REEP3: variants seen among roughly 807,000 people sequenced by gnomAD.
REEP3 encodes the protein receptor accessory protein 3, also known as receptor expression-enhancing protein 3.
A neutral mutation model predicts 41.3 loss-of-function variants in REEP3; 20 were observed. The ratio of observed to expected loss-of-function variants is 0.48; its 90% CI spans 0.34 to 0.70. The LOEUF is 0.70. REEP3 is among the 30% of genes least tolerant of loss of function. The probability of loss-of-function intolerance (pLI) is 0.01; values close to 1 mark genes in which losing one functional copy is unlikely to be tolerated. For synonymous variants in REEP3, 104 were observed against 101.8 expected (o/e 1.02, Z -0.13); for missense variants, 271 against 308.8 (o/e 0.88, Z 0.92).
intron 2 of REEP3, among the ~76,000 whole-genome samples, chr10:63,586,542 A>G (rs371397742): frequency 1.3e-5 from 2 of 152,312 alleles, no homozygotes; most frequent in African/African-American, 4.8e-5. Flanking sequence ...CACAAAAAAT[A>G]TAGTAGGTAA....
chr10:63,548,253 T>C (rs920175268), intron 1 of REEP3, among the ~76,000 whole-genome samples: 2 of 152,248 alleles, frequency 1.3e-5, no homozygotes, highest in South Asian at 2.1e-4. Context: ...TATGTAATGC[T>C]GTACCACATT....
intron 1 of REEP3, among the ~76,000 whole-genome samples, chr10:63,536,782 A>G (rs1048568603): frequency 1.3e-5 from 2 of 152,244 alleles, no homozygotes; most frequent in Non-Finnish European, 2.9e-5. Flanking sequence ...TTTCAAGAAA[A>G]TGTAAATTAC....
intron 5 of REEP3, among the ~76,000 whole-genome samples, chr10:63,606,563 T>C (rs1355838952): frequency 6.6e-6 from 1 of 152,138 alleles, no homozygotes; most frequent in African/African-American, 2.4e-5. Flanking sequence ...TTTCTCATTT[T>C]TCTTATACTT....
intron 1 of REEP3, among the ~76,000 whole-genome samples, chr10:63,523,628 T>G (rs1187130407): frequency 1.3e-5 from 2 of 151,988 alleles, no homozygotes; most frequent in African/African-American, 4.8e-5. Context: ...AGAGTGAGAC[T>G]GTGCCTCAGA....
chr10:63,569,896 C>T (rs1955837701), intron 2 of REEP3, among the ~76,000 whole-genome samples: 2 of 151,894 alleles, frequency 1.3e-5, no homozygotes, highest in South Asian at 4.1e-4. Context: ...AGACATGATC[C>T]CGCCACTGCA....
chr10:63,609,625 G>C (rs973406295), intron 5 of REEP3, among the ~76,000 whole-genome samples: 2 of 152,036 alleles, frequency 1.3e-5, no homozygotes, highest in Non-Finnish European at 2.9e-5. Context: ...GCTGGATATG[G>C]TGGCACATGC....
chr10:63,622,952 GC>G lies in REEP3; in HGVS notation c.*2085del, dbSNP rs1762252850. ...CATCTCTTGACCTCGTGATCCGCCC[GC>G]CTCGGCCTCCCAAACTTCTGGGATT... On this transcript the variant is annotated 3_prime_UTR_variant, in exon 8 of 8. Coordinates refer to ENST00000373758, the MANE Select transcript of REEP3 (RefSeq NM_001001330.3). The G allele has an allele frequency of 6.6e-6, 1 of 152,132 alleles. No individual in the cohort carries two copies. Among genetic ancestry groups the G allele is most frequent in the Non-Finnish European group, 1.5e-5 (1 of 68,076 alleles). 9.4% of individuals were successfully genotyped at this position (152,132 alleles called of 1,614,324 possible).
chr10:63,619,918 A>ATTTTT, intron 7 of REEP3, 118 bp downstream of exon 7: 13 of 249,992 alleles, frequency 5.2e-5, no homozygotes, highest in Admixed American at 1.2e-4. Flanking sequence ...CAGCAGTTTG[A>ATTTTT]TTTTTTTTTT....
At chr10:63,588,975 G>C (rs1329622041) in intron 2 of REEP3, among the ~76,000 whole-genome samples, 1 of 152,186 alleles carries the variant, frequency 6.6e-6, no homozygotes, top group Non-Finnish European at 1.5e-5. Context: ...AAAAGAGCAG[G>C]TGTGGCTGAA....
At chr10:63,604,392 G>T (rs1489513740) in intron 5 of REEP3, among the ~76,000 whole-genome samples, 2 of 152,314 alleles carry the variant, frequency 1.3e-5, no homozygotes, top group Middle Eastern at 3.4e-3. Flanking sequence ...ACTACTGCCA[G>T]ATGAAGGACA....
At chr10:63,594,221 AAAAAAACC>A (rs1204815371) in intron 2 of REEP3, among the ~76,000 whole-genome samples, 1 of 89,644 alleles carries the variant, frequency 1.1e-5, no homozygotes, top group Non-Finnish European at 2.3e-5. Flanking sequence ...CTACAAAAAA[AAAAAAACC>A]AAAAAAAATT....
At chr10:63,576,397 TGAG>T (rs1480176344) in intron 2 of REEP3, among the ~76,000 whole-genome samples, 2 of 152,206 alleles carry the variant, frequency 1.3e-5, no homozygotes, top group Non-Finnish European at 2.9e-5. Flanking sequence ...AGAAACCTGT[TGAG>T]GAGAATCATT....
At chr10:63,531,173 A>G (rs1353814609) in intron 1 of REEP3, among the ~76,000 whole-genome samples, 3 of 152,264 alleles carry the variant, frequency 2.0e-5, no homozygotes, top group African/African-American at 7.2e-5. Flanking sequence ...ATTATCCAAC[A>G]GTGGTTAGAG....
At chr10:63,579,173 G>A (rs1447904885) in intron 2 of REEP3, among the ~76,000 whole-genome samples, 8 of 151,590 alleles carry the variant, frequency 5.3e-5, no homozygotes, top group Non-Finnish European at 8.8e-5. Flanking sequence ...CTAGGTTTAC[G>A]GTCACCCACC....
chr10:63,566,440 G>A, intron 2 of REEP3, 30 bp downstream of exon 2: 1 of 1,213,562 alleles, frequency 8.2e-7, no homozygotes, highest in Non-Finnish European at 1.2e-6. Flanking sequence ...TGATTAATCT[G>A]AGTTTAATAT....
chr10:63,550,057 G>A (rs1955614257), intron 1 of REEP3, among the ~76,000 whole-genome samples: 1 of 152,230 alleles, frequency 6.6e-6, no homozygotes, highest in Non-Finnish European at 1.5e-5. Context: ...TCTGACAGTG[G>A]ACACAGAGGA....
intron 5 of REEP3, among the ~76,000 whole-genome samples, chr10:63,604,899 C>T (rs1233947420): frequency 6.6e-6 from 1 of 152,038 alleles, no homozygotes; most frequent in African/African-American, 2.4e-5. Context: ...TTCTAAAACC[C>T]CTTATATCTC....
At chr10:63,555,303 T>A (rs2133364918) in intron 1 of REEP3, among the ~76,000 whole-genome samples, 1 of 152,388 alleles carries the variant, frequency 6.6e-6, no homozygotes, top group African/African-American at 2.4e-5. Context: ...GGAATTTTCA[T>A]ATTTTTCTTT....
At chr10:63,572,200 C>T (rs1955858681) in intron 2 of REEP3, among the ~76,000 whole-genome samples, 1 of 152,048 alleles carries the variant, frequency 6.6e-6, no homozygotes, top group Admixed American at 6.6e-5. Flanking sequence ...TGACAATCTT[C>T]TAAGTATTTC....
Sources: gnomAD v4.1 joint callset for allele counts (sites outside exome capture counted in the v4.1 genomes callset) on GRCh38, gnomAD v4.1.1 for gene constraint, MANE v1.5 for transcripts, NCBI Gene and HGNC (gene_info 2026-07-23, HGNC 2026-07-21) for gene names.